The following PRMT8 variants were observed in gnomAD, a reference collection of about 807,000 sequenced individuals.
The protein encoded by PRMT8 is protein arginine methyltransferase 8.
PRMT8 carries 7 observed loss-of-function variants against 47.1 expected under a neutral mutation model. The observed-to-expected ratio is 0.15, with a 90% confidence interval of 0.08 to 0.28. The LOEUF (loss-of-function observed/expected upper bound fraction) is 0.28, where lower values mean the gene tolerates loss of function less well. Among genes scored for constraint, PRMT8 ranks in the 10% least tolerant of loss-of-function variants. The pLI, the probability that PRMT8 is intolerant of heterozygous loss-of-function variation, is 1.00. For missense variants in PRMT8, 237 were observed against 505.4 expected (o/e 0.47, Z 5.09); for synonymous variants, 188 against 186.5 (o/e 1.01, Z -0.07).
In PRMT8 at chr12:3,507,916, G is replaced by T. The variant is rs375719631; in HGVS notation, c.75+16216G>T. Among the ~76,000 whole-genome samples, 4 of 152,014 alleles carry T rather than the reference G, an allele frequency of 2.6e-5. No homozygotes were observed. The South Asian group carries it at 8.3e-4, about 32-fold the overall frequency. On this transcript the variant is annotated intron_variant, in intron 1 of 9. Coordinates refer to ENST00000382622, the MANE Select transcript of PRMT8 (RefSeq NM_019854.5). Reference sequence around the variant, plus strand: ...TGGGATTATAGGTGTGTGCCACCACGCCCTGCTAATTTTTGTATTCTTTCC... The same window carrying T: ...TGGGATTATAGGTGTGTGCCACCACTCCCTGCTAATTTTTGTATTCTTTCC...
intron 1 of PRMT8, among the ~76,000 whole-genome samples, chr12:3,481,822 C>T (rs570460228): frequency 6.6e-6 from 1 of 152,226 alleles, no homozygotes; most frequent in Non-Finnish European, 1.5e-5. Context: ...TACTTGAGCT[C>T]CTCTTAGATC....
chr12:3,424,761 C>T (rs1335052530), intron 1 of PRMT8, among the ~76,000 whole-genome samples: 1 of 152,104 alleles, frequency 6.6e-6, no homozygotes, highest in African/African-American at 2.4e-5. Flanking sequence ...CTTATAATAA[C>T]CATAAAATAA....
At chr12:3,406,613 T>G (rs545015465) in intron 1 of PRMT8, among the ~76,000 whole-genome samples, 1 of 152,328 alleles carries the variant, frequency 6.6e-6, no homozygotes, top group South Asian at 2.1e-4. Flanking sequence ...CCAGCCTCTT[T>G]GCTAAAATGT....
At chr12:3,410,760 G>A (rs1591541559) in intron 1 of PRMT8, among the ~76,000 whole-genome samples, 1 of 152,290 alleles carries the variant, frequency 6.6e-6, no homozygotes, top group East Asian at 1.9e-4. Context: ...ACCCGCCTCG[G>A]CCTCCCAAAG....
chr12:3,496,050 A>G (rs941447183), intron 1 of PRMT8, among the ~76,000 whole-genome samples: 11 of 151,634 alleles, frequency 7.3e-5, no homozygotes, highest in Non-Finnish European at 1.5e-4. Context: ...GACCCTCCTG[A>G]GCTACTGCTT....
At chr12:3,481,128 C>T (rs1296851135) in intron 1 of PRMT8, among the ~76,000 whole-genome samples, 1 of 152,212 alleles carries the variant, frequency 6.6e-6, no homozygotes, top group African/African-American at 2.4e-5. Flanking sequence ...CCCAGGCACA[C>T]TGCTGGGAAA....
intron 1 of PRMT8, among the ~76,000 whole-genome samples, chr12:3,497,980 C>T (rs1192405296): frequency 1.3e-5 from 2 of 152,182 alleles, no homozygotes; most frequent in African/African-American, 4.8e-5. Context: ...CTCCTTTAAA[C>T]GTAGCATCTC....
chr12:3,518,509 C>G (rs111345390), intron 1 of PRMT8, among the ~76,000 whole-genome samples: 3,469 of 151,728 alleles, frequency 0.023, 135 homozygotes, highest in African/African-American at 0.079. Context: ...TAATGTCAAT[C>G]GTGAATATTT....
intron 7 of PRMT8, among the ~76,000 whole-genome samples, chr12:3,578,502 CAT>C (rs565384510): frequency 3.9e-5 from 6 of 152,120 alleles, no homozygotes; most frequent in Non-Finnish European, 1.5e-5. Flanking sequence ...GGATGACAGA[CAT>C]GTGCTACCAC....
At chr12:3,447,536 A>G (rs1490651919) in intron 1 of PRMT8, among the ~76,000 whole-genome samples, 1 of 152,044 alleles carries the variant, frequency 6.6e-6, no homozygotes, top group Non-Finnish European at 1.5e-5. Flanking sequence ...CTCATCCTTC[A>G]AGACGCAGCA....
At chr12:3,513,674 C>T (rs1402047686) in intron 1 of PRMT8, among the ~76,000 whole-genome samples, 1 of 152,204 alleles carries the variant, frequency 6.6e-6, no homozygotes, top group African/African-American at 2.4e-5. Context: ...TTCATTGTAT[C>T]TGGATCCTTT....
rs779694471 is a variant in PRMT8, at chr12:3,553,711, A to C, written c.478A>C (p.Asn160His). The C allele has an allele frequency of 1.2e-5, 19 of 1,587,672 alleles. No individual in the cohort carries two copies. Among genetic ancestry groups the C allele is most frequent in the Non-Finnish European group, 9.5e-6 (11 of 1,156,092 alleles). The change falls in exon 4 of 10, where the codon AAC (asparagine) becomes CAC (histidine). Residue 160 changes from asparagine to histidine, a missense_variant. By Grantham distance (68) the Asn-to-His change is moderately conservative. Around this residue, in one of 5 missense-constraint regions of PRMT8, gnomAD observed 151 missense variants for 341.1 expected, o/e 0.44. Transcript: ENST00000382622. ...EKIIKANHLD[N>H]IITIFKGKVE... ...GATCATTAAGGCCAACCACTTGGAC[A>C]ACAGTAAGACATACCTCTGAGTGTT...
intron 1 of PRMT8, among the ~76,000 whole-genome samples, chr12:3,459,247 T>C (rs1865010354): frequency 6.6e-6 from 1 of 152,208 alleles, no homozygotes; most frequent in Non-Finnish European, 1.5e-5. Context: ...CTTGCCACTG[T>C]CCTTCCTTGA....
chr12:3,462,086 CTT>C (rs1491225601), intron 1 of PRMT8, among the ~76,000 whole-genome samples: 6 of 151,980 alleles, frequency 3.9e-5, no homozygotes, highest in African/African-American at 1.5e-4. Context: ...TTGTTCCTCT[CTT>C]TGTGTCCATG....
chr12:3,592,015 G>A (rs1030749068), intron 8 of PRMT8, among the ~76,000 whole-genome samples: 1 of 152,046 alleles, frequency 6.6e-6, no homozygotes, highest in African/African-American at 2.4e-5. Context: ...GGATGTGATG[G>A]GAGGAGAGGC....
chr12:3,584,633 C>T (rs772431381), intron 8 of PRMT8, among the ~76,000 whole-genome samples: 2 of 152,230 alleles, frequency 1.3e-5, no homozygotes, highest in Non-Finnish European at 2.9e-5. Flanking sequence ...ACCCATCCCA[C>T]TCCCACTCTT....
intron 1 of PRMT8, among the ~76,000 whole-genome samples, chr12:3,454,362 CA>C (rs1864951867): frequency 6.6e-6 from 1 of 152,128 alleles, no homozygotes; most frequent in African/African-American, 2.4e-5. Flanking sequence ...AGAGGGCAGG[CA>C]GCCACCTGGG....
intron 1 of PRMT8, among the ~76,000 whole-genome samples, chr12:3,420,914 T>C (rs1249207567): frequency 6.6e-6 from 1 of 152,084 alleles, no homozygotes; most frequent in Non-Finnish European, 1.5e-5. Context: ...TGCAGTTCCG[T>C]GGGGAAGGGT....
chr12:3,457,781 AT>A (rs1299788746), intron 1 of PRMT8, among the ~76,000 whole-genome samples: 1 of 150,584 alleles, frequency 6.6e-6, no homozygotes, highest in African/African-American at 2.4e-5. Context: ...GAAAATAAAG[AT>A]CTGCAACCCC....
Sources: allele counts gnomAD v4.1 joint callset (sites outside exome capture counted in the v4.1 genomes callset), GRCh38; gene constraint gnomAD v4.1.1; regional missense constraint gnomAD v4.1.1; transcripts MANE v1.5; gene names NCBI Gene and HGNC (gene_info 2026-07-23, HGNC 2026-07-21).